The following MEAK7 variants were observed in gnomAD, a reference collection of about 807,000 sequenced individuals.
MEAK7 encodes the protein MTOR associated protein MEAK7, also known as MTOR-associated protein MEAK7.
A neutral mutation model predicts 40.5 loss-of-function variants in MEAK7; 68 were observed. The observed-to-expected ratio is 1.68, with a 90% CI of 1.38 to 2.06. The LOEUF is 2.06. Ranked by LOEUF, MEAK7 falls within the 30% of genes most tolerant of loss-of-function variation. MEAK7 has a pLI of 0.00. For missense variants in MEAK7, 918 were observed against 580.5 expected (o/e 1.58, Z -5.98); for synonymous variants, 338 against 231.9 (o/e 1.46, Z -4.16).
chr16:84,493,610 A>C (rs1470723466), intron 3 of MEAK7, among the ~76,000 whole-genome samples: 1 of 152,216 alleles, frequency 6.6e-6, no homozygotes, highest in Non-Finnish European at 1.5e-5. Flanking sequence ...TAGTGAGCAA[A>C]ATTTAAAACA....
intron 2 of MEAK7, chr16:84,497,263 C>T (rs979361337): frequency 2.1e-6 from 1 of 465,760 alleles, no homozygotes; most frequent in Non-Finnish European, 3.5e-6. Flanking sequence ...TGTCTTGCCT[C>T]AGTCCGAGCA....
At chr16:84,501,622 G>A (rs975287715) in intron 1 of MEAK7, among the ~76,000 whole-genome samples, 8 of 152,144 alleles carry the variant, frequency 5.3e-5, no homozygotes, top group Admixed American at 1.3e-4. Flanking sequence ...TGGACGCAGA[G>A]CCAGGCTGGC....
chr16:84,483,015 G>A (rs767444917), intron 5 of MEAK7, among the ~76,000 whole-genome samples: 3 of 152,198 alleles, frequency 2.0e-5, no homozygotes, highest in Admixed American at 6.5e-5. Context: ...AAGCACATCC[G>A]AGCCAGAAAG....
At chr16:84,482,781 G>T (rs916385020) in intron 5 of MEAK7, 71 bp from the exon 6 acceptor site, 1 of 1,587,248 alleles carries the variant, frequency 6.3e-7, no homozygotes, top group African/African-American at 1.3e-5. Context: ...GGAAATGCCG[G>T]TAAGCTGCAG....
intron 6 of MEAK7, among the ~76,000 whole-genome samples, chr16:84,481,255 C>A (rs1322817744): frequency 6.6e-6 from 1 of 152,246 alleles, no homozygotes; most frequent in Non-Finnish European, 1.5e-5. Context: ...CATGGCTGGG[C>A]TCTGAGCTGT....
intron 3 of MEAK7, among the ~76,000 whole-genome samples, chr16:84,492,694 G>A (rs1913726320): frequency 6.6e-6 from 1 of 152,084 alleles, no homozygotes; most frequent in Non-Finnish European, 1.5e-5. Context: ...CGATTCTCCT[G>A]CCTTGGCCTC....
At chr16:84,483,065 C>T (rs1217842585) in intron 5 of MEAK7, among the ~76,000 whole-genome samples, 3 of 152,210 alleles carry the variant, frequency 2.0e-5, no homozygotes, top group Non-Finnish European at 4.4e-5. Context: ...GGCAGGTGGT[C>T]ACTCCGCAGA....
At chr16:84,503,953 C>T (rs1261432024) in intron 1 of MEAK7, 1 of 985,550 alleles carries the variant, frequency 1.0e-6, no homozygotes, top group South Asian at 4.7e-5. Flanking sequence ...AGGGTCCCTC[C>T]GTACCCCCAC....
chr16:84,487,144 G>T, intron 4 of MEAK7, 85 bp from the exon 5 acceptor site: 1 of 1,342,632 alleles, frequency 7.4e-7, no homozygotes, highest in Non-Finnish European at 1.0e-6. Flanking sequence ...CAGTGTGGGA[G>T]CCACGAGTCA....
Position 84,479,625 on chromosome 16 carries a change from A to G in MEAK7, c.*288T>C, listed in dbSNP as rs1912334652. ...GGATTTCGTTGGTAAAAAAGAACAA[A>G]GTATAAGACTGAGTTACTAATTTGA... On this transcript the variant is annotated 3_prime_UTR_variant, in exon 8 of 8. Transcript: ENST00000343629. 1 of 297,658 alleles carries G rather than the reference A, an allele frequency of 3.4e-6. No homozygotes were observed. The highest frequency in any genetic ancestry group is 5.4e-5 in the East Asian group (1 of 18,438). The allele number at this position is 297,658 out of a possible 1,614,324, so 18.4% of individuals were successfully genotyped here.
chr16:84,486,616 G>T lies in MEAK7; in HGVS notation c.958+15C>A, dbSNP rs746557255. On this transcript the variant is annotated intron_variant, in intron 5 of 7. Coordinates refer to ENST00000343629, the MANE Select transcript of MEAK7 (RefSeq NM_020947.4). ...TGCTGTGCCACTCGTCAAGGTTCAG[G>T]ACACCAAGTCTTACCTTGAAACTGA... 6.3e-7 allele frequency: 1 copy of T among 1,585,764 alleles called. No homozygotes were observed. The highest frequency in any genetic ancestry group is 8.6e-7 in the Non-Finnish European group (1 of 1,166,334).
In MEAK7 at chr16:84,481,508, G is replaced by C. The variant is rs376720859; in HGVS notation, c.1078-800C>G. 8.5e-5 allele frequency among the ~76,000 whole-genome samples: 13 copies of C among 152,318 alleles called. No homozygotes were observed. The East Asian group carries it at 1.2e-3, about 14-fold the overall frequency. On this transcript the variant is annotated intron_variant, in intron 6 of 7. Transcript: ENST00000343629. ...TTTCCAGAAGGTGCCAGGTGTTCTA[G>C]GTGGCCTGGCCACGCCCCTCCCTCT...
At chr16:84,495,301 G>A (rs766864747) in intron 3 of MEAK7, among the ~76,000 whole-genome samples, 1 of 152,098 alleles carries the variant, frequency 6.6e-6, no homozygotes, top group Non-Finnish European at 1.5e-5. Context: ...AATCTCCACA[G>A]GTAGTGACTA....
intron 1 of MEAK7, chr16:84,503,873 G>C (rs374105009): frequency 2.1e-6 from 2 of 944,058 alleles, no homozygotes; most frequent in African/African-American, 3.5e-5. Flanking sequence ...CTGTTACATG[G>C]CTGCTTCCCA....
At chr16:84,499,873 C>T (rs1484956024) in intron 1 of MEAK7, 2 of 152,230 alleles carry the variant, frequency 1.3e-5, no homozygotes, top group African/African-American at 4.8e-5. Context: ...CTCATCTCTA[C>T]TAAAAACGTA....
intron 5 of MEAK7, 51 bp from the exon 6 acceptor site, chr16:84,482,761 C>T (rs1388200878): frequency 1.2e-6 from 2 of 1,606,900 alleles, no homozygotes; most frequent in South Asian, 2.2e-5. Flanking sequence ...TGAGCCGGTC[C>T]CACAGGGCCG....
In MEAK7 at chr16:84,486,673, C is replaced by A. The variant is rs1471739259; in HGVS notation, c.916G>T (p.Gly306Trp). Residue 306 changes from glycine (G) to tryptophan (W), a missense_variant, in exon 5 of 8, where the codon GGG becomes TGG. Transcript: ENST00000343629. ...LEDHDKHVFG[G>W]FASCSWEVKP... ...ACCTCCCAAGAGCAAGAGGCAAACC[C>A]ACCGAACACATGCTTGTCATGGTCC... is the stretch of plus-strand genomic sequence containing the variant. 1.2e-6 allele frequency: 2 copies of A among 1,613,492 alleles called. No individual in the cohort carries two copies. Among genetic ancestry groups the A allele is most frequent in the East Asian group, 2.2e-5 (1 of 44,886 alleles).
rs758917012 is a variant in MEAK7, at chr16:84,480,488, T to C, written c.1257+41A>G. The C allele has an allele frequency of 4.7e-5, 73 of 1,541,230 alleles. No homozygotes were observed. In the Middle Eastern group the frequency reaches 9.5e-4, roughly 20 times the overall value. ...AGAAAATGCAGAAAGGCCCCCAGGC[T>C]CAAGGGGCCATCCTGGGATGCAGAG... On this transcript the variant is annotated intron_variant, in intron 7 of 7. Transcript: ENST00000343629.
chr16:84,494,160 T>C (rs903900336), intron 3 of MEAK7, among the ~76,000 whole-genome samples: 1 of 152,254 alleles, frequency 6.6e-6, no homozygotes, highest in African/African-American at 2.4e-5. Flanking sequence ...TTATCACTGT[T>C]GCTGCACTTT....
Sources: allele counts gnomAD v4.1 joint callset (sites outside exome capture counted in the v4.1 genomes callset), GRCh38; gene constraint gnomAD v4.1.1; transcripts MANE v1.5; gene names NCBI Gene and HGNC (gene_info 2026-07-23, HGNC 2026-07-21).